Variants in ZNF695 observed in about 807,000 individuals in gnomAD.
The protein encoded by ZNF695 is zinc finger protein 695.
Under a neutral mutation model 11.2 loss-of-function variants are expected in ZNF695, and 11 were observed. The ratio of observed to expected loss-of-function variants is 0.98; its 90% CI spans 0.62 to 1.62. ZNF695 has a LOEUF of 1.62. ZNF695 is among the 40% of genes most tolerant of loss of function. The pLI is 0.00. For missense variants in ZNF695, 559 were observed against 590.5 expected (o/e 0.95, Z 0.55); for synonymous variants, 190 against 201.4 (o/e 0.94, Z 0.48).
intron 1 of ZNF695, 31 bp downstream of exon 1, chr1:247,007,875 C>G: frequency 1.3e-6 from 2 of 1,542,588 alleles, no homozygotes; most frequent in East Asian, 2.5e-5. Context: ...CCCCCTCTCC[C>G]TTCTCGGGAC....
At chr1:246,992,151 G>C (rs1050311270) in intron 3 of ZNF695, among the ~76,000 whole-genome samples, 2 of 148,632 alleles carry the variant, frequency 1.3e-5, no homozygotes, top group Non-Finnish European at 3.0e-5. Context: ...GTGACAGAGC[G>C]AGACTCTGTC....
intron 5 of ZNF695, among the ~76,000 whole-genome samples, chr1:246,949,565 T>G (rs1347622441): frequency 6.8e-6 from 1 of 146,012 alleles, no homozygotes; most frequent in East Asian, 2.0e-4. Context: ...CACTCCAGCC[T>G]AGGCGACAGA....
chr1:246,986,723 T>C lies in ZNF695; in HGVS notation c.*244A>G, dbSNP rs1376586297. 8 of 1,189,050 alleles carry C rather than the reference T, an allele frequency of 6.7e-6. No homozygotes were observed. The African/African-American group carries it at 1.3e-4, about 19-fold the overall frequency. The allele number at this position is 1,189,050 out of a possible 1,614,324, so 73.7% of individuals were successfully genotyped here. On this transcript the variant is annotated 3_prime_UTR_variant, in exon 4 of 4. Coordinates refer to ENST00000339986, the MANE Select transcript of ZNF695 (RefSeq NM_020394.5). ...AATACAGTTTGAGCAACTGGAGGGT[T>C]TCCCTCCAGTATAAATTCTTCTGTG...
At chr1:246,973,761 C>T (rs1048597596) in intron 4 of ZNF695, among the ~76,000 whole-genome samples, 16 of 152,198 alleles carry the variant, frequency 1.1e-4, no homozygotes, top group African/African-American at 3.9e-4. Flanking sequence ...GGGTTAAAAA[C>T]ATATCCACAA....
At chr1:246,946,181 C>T (rs76505171) in intron 5 of ZNF695, among the ~76,000 whole-genome samples, 6,873 of 152,186 alleles carry the variant, frequency 0.045, 529 homozygotes, top group African/African-American at 0.16. Flanking sequence ...CATTTTAGTC[C>T]TTTGACCTTC....
downstream of ZNF695, among the ~76,000 whole-genome samples, chr1:246,982,966 G>A (rs1001706624): frequency 1.7e-4 from 26 of 152,292 alleles, no homozygotes; most frequent in Middle Eastern, 0.01. Flanking sequence ...CACTTTGGGA[G>A]GCCGAGGCAG....
intron 3 of ZNF695, among the ~76,000 whole-genome samples, chr1:246,993,489 A>G (rs1669104063): frequency 1.3e-5 from 2 of 152,276 alleles, no homozygotes; most frequent in Middle Eastern, 3.4e-3. Context: ...AGAGGCTCCC[A>G]TAATCTCTAG....
At position 246,986,343 on chromosome 1, in the gene ZNF695, T is replaced by C; in HGVS notation, c.*624A>G. Reference sequence around the variant, plus strand: ...TCGGCATCCAAAAGTGCAGCAACTATAGGAAAGAGCCACCGTGCCTGGCAC... The same window carrying C: ...TCGGCATCCAAAAGTGCAGCAACTACAGGAAAGAGCCACCGTGCCTGGCAC... On this transcript the variant is annotated 3_prime_UTR_variant, in exon 4 of 4. Transcript: ENST00000339986. The C allele has an allele frequency of 2.0e-6, 2 of 983,462 alleles. No homozygotes were observed. The highest frequency in any genetic ancestry group is 2.4e-6 in the Non-Finnish European group (2 of 828,184). The allele number at this position is 983,462 out of a possible 1,614,324, so 60.9% of individuals were successfully genotyped here.
At chr1:246,983,064 T>C (rs930335823), downstream of ZNF695, among the ~76,000 whole-genome samples, 11 of 151,194 alleles carry the variant, frequency 7.3e-5, no homozygotes, top group East Asian at 1.8e-3. Context: ...ATTAGCCGGG[T>C]GTGGTGGCGG....
chr1:246,949,646 C>A (rs1667824512), intron 5 of ZNF695, among the ~76,000 whole-genome samples: 1 of 151,910 alleles, frequency 6.6e-6, no homozygotes, highest in Non-Finnish European at 1.5e-5. Flanking sequence ...GGGTTTCCTT[C>A]CTGACTGAGC....
At chr1:246,947,420 T>C (rs750702909) in intron 5 of ZNF695, among the ~76,000 whole-genome samples, 5 of 152,086 alleles carry the variant, frequency 3.3e-5, no homozygotes, top group Non-Finnish European at 7.4e-5. Flanking sequence ...TTGGGAAGCC[T>C]GGTGACTCAC....
chr1:246,992,352 T>C (rs1572529749), intron 3 of ZNF695, among the ~76,000 whole-genome samples: 1 of 152,038 alleles, frequency 6.6e-6, no homozygotes, highest in East Asian at 1.9e-4. Context: ...AGTCCAAACA[T>C]TTAACTCATG....
At chr1:246,982,823 C>T (rs1322392726), downstream of ZNF695, among the ~76,000 whole-genome samples, 2 of 151,870 alleles carry the variant, frequency 1.3e-5, no homozygotes, top group East Asian at 1.9e-4. Flanking sequence ...AAATTTTCTC[C>T]GTACAACTCT....
chr1:246,981,436 T>C (rs1248472392), downstream of ZNF695, among the ~76,000 whole-genome samples: 1 of 152,256 alleles, frequency 6.6e-6, no homozygotes, highest in East Asian at 1.9e-4. Flanking sequence ...TTCCTAAATA[T>C]TGAAAGAAAT....
intron 4 of ZNF695, among the ~76,000 whole-genome samples, chr1:246,973,665 C>T (rs1283072289): frequency 6.6e-6 from 1 of 152,142 alleles, no homozygotes; most frequent in Non-Finnish European, 1.5e-5. Context: ...GGCATTTTGC[C>T]CAGATTCGTA....
At chr1:246,979,217 C>A (rs79624228) in intron 4 of ZNF695, among the ~76,000 whole-genome samples, 2,634 of 152,226 alleles carry the variant, frequency 0.017, 36 homozygotes, top group Non-Finnish European at 0.027. Context: ...GGAGATAACT[C>A]AAAAATAGAG....
At chr1:247,006,438 C>A (rs1340237741) in intron 1 of ZNF695, among the ~76,000 whole-genome samples, 4 of 152,096 alleles carry the variant, frequency 2.6e-5, no homozygotes, top group South Asian at 4.1e-4. Flanking sequence ...TAATGAAACC[C>A]CATCTCTACT....
chr1:246,961,875 T>C (rs1668171879), intron 5 of ZNF695, among the ~76,000 whole-genome samples: 1 of 152,120 alleles, frequency 6.6e-6, no homozygotes, highest in African/African-American at 2.4e-5. Flanking sequence ...TCTTCATCAC[T>C]CCCTTCATCA....
chr1:246,974,190 A>G (rs1009751925), intron 4 of ZNF695, among the ~76,000 whole-genome samples: 9 of 152,144 alleles, frequency 5.9e-5, no homozygotes, highest in African/African-American at 2.2e-4. Context: ...AACAACAACA[A>G]AAAACCTATT....
Sources: gnomAD v4.1 joint callset for allele counts (sites outside exome capture counted in the v4.1 genomes callset) on GRCh38, gnomAD v4.1.1 for gene constraint, MANE v1.5 for transcripts, NCBI Gene and HGNC (gene_info 2026-07-23, HGNC 2026-07-21) for gene names.